The following ADAMTS2 variants were observed in gnomAD, a reference collection of about 807,000 sequenced individuals.
ADAMTS2 encodes the protein A disintegrin and metalloproteinase with thrombospondin motifs 2.
Under a neutral mutation model 123.0 loss-of-function variants are expected in ADAMTS2, and 50 were observed. The observed-to-expected ratio is 0.41, with a 90% CI of 0.32 to 0.51. The LOEUF is 0.51. ADAMTS2 is among the 20% of genes least tolerant of loss of function. ADAMTS2 has a pLI of 0.35. For synonymous variants in ADAMTS2, 678 were observed against 695.4 expected (o/e 0.98, Z 0.39); for missense variants, 1,494 against 1,705.2 (o/e 0.88, Z 2.18).
intron 2 of ADAMTS2, among the ~76,000 whole-genome samples, chr5:179,325,261 G>A (rs116266446): frequency 0.011 from 1,605 of 152,304 alleles, 27 homozygotes; most frequent in Middle Eastern, 0.027. Context: ...TGCTGGTTCT[G>A]GGGGCCTGTG....
At chr5:179,194,385 G>A (rs887750792) in intron 4 of ADAMTS2, among the ~76,000 whole-genome samples, 18 of 152,210 alleles carry the variant, frequency 1.2e-4, no homozygotes, top group Non-Finnish European at 2.6e-4. Flanking sequence ...AGCACCTAGG[G>A]CTGCTCTATC....
chr5:179,223,955 GAATA>G (rs1486602923), intron 3 of ADAMTS2, among the ~76,000 whole-genome samples: 2 of 152,204 alleles, frequency 1.3e-5, no homozygotes, highest in African/African-American at 4.8e-5. Context: ...TTGGCAAAAT[GAATA>G]AATAAACGGG....
intron 3 of ADAMTS2, among the ~76,000 whole-genome samples, chr5:179,235,257 ATCTCTGGG>A (rs1228560035): frequency 6.6e-6 from 1 of 152,192 alleles, no homozygotes; most frequent in African/African-American, 2.4e-5. Flanking sequence ...CATCAGATTC[ATCTCTGGG>A]TCACCTGCCT....
rs142721501 is a variant in ADAMTS2, at chr5:179,273,011, C to T, written c.588G>A (p.Lys196=). The T allele has an allele frequency of 4.6e-5, 74 of 1,613,540 alleles. No homozygotes were observed. In the African/African-American group the frequency reaches 7.7e-4, roughly 17 times the overall value. The change falls in exon 3 of 22, where the codon AAG becomes AAA. Residue 196 remains lysine, a synonymous_variant. Coordinates refer to ENST00000251582, the MANE Select transcript of ADAMTS2 (RefSeq NM_014244.5). ...EEEFFIEPLE[K]GLAAQEAEQG... is the part of the protein sequence containing the mutation. ...GCTCAGCCTCCTGCGCCGCCAGCCC[C>T]TTCTCCAAGGGTTCGATGAAGAACT...
At chr5:179,156,401 C>T (rs1049387890) in intron 6 of ADAMTS2, among the ~76,000 whole-genome samples, 5 of 146,324 alleles carry the variant, frequency 3.4e-5, no homozygotes, top group Non-Finnish European at 7.4e-5. Flanking sequence ...ACTCTGCCGT[C>T]CAGGCTGGAG....
rs1426801225 is a variant in ADAMTS2, at chr5:179,117,660, C to T, written c.3179-3336G>A. Among the ~76,000 whole-genome samples the T allele has an allele frequency of 6.6e-6, 1 of 151,900 alleles. No homozygotes were observed. Reference sequence around the variant, plus strand: ...CTCCGCCTCCTGGGTTCAAGAGCCTCCCGAGTAGCTGGGACTACAGGTGCG... The same window carrying T: ...CTCCGCCTCCTGGGTTCAAGAGCCTTCCGAGTAGCTGGGACTACAGGTGCG... On this transcript the variant is annotated intron_variant, in intron 21 of 21. Transcript: ENST00000251582. This position sits in a 1 kb window ranked among gnomAD's most constrained non-coding sequence, Gnocchi z 4.2.
chr5:179,315,925 G>A (rs1305274171), intron 2 of ADAMTS2, among the ~76,000 whole-genome samples: 2 of 152,186 alleles, frequency 1.3e-5, no homozygotes, highest in East Asian at 3.8e-4. Context: ...GAAGAGAGTC[G>A]GGGAGGTGAG....
chr5:179,176,650 T>A (rs1184660901), intron 5 of ADAMTS2, among the ~76,000 whole-genome samples: 1 of 152,184 alleles, frequency 6.6e-6, no homozygotes, highest in African/African-American at 2.4e-5. Context: ...TTGATGGCAG[T>A]GACTGTCTCC....
Position 179,119,476 on chromosome 5 carries a change from G to T in ADAMTS2, c.3178+2185C>A, listed in dbSNP as rs535937475. On this transcript the variant is annotated intron_variant, in intron 21 of 21. Coordinates refer to ENST00000251582, the MANE Select transcript of ADAMTS2 (RefSeq NM_014244.5). Reference sequence around the variant, plus strand: ...CTTCCATGGGCAGGACACAGCCCAGGCCCCAGGTCAGGAGGTCCCTCTTGA... The same window carrying T: ...CTTCCATGGGCAGGACACAGCCCAGTCCCCAGGTCAGGAGGTCCCTCTTGA... Among the ~76,000 whole-genome samples the T allele has an allele frequency of 9.0e-4, 137 of 152,330 alleles. 1 individual carries two copies. The highest frequency in any genetic ancestry group is 1.6e-3 in the Non-Finnish European group (111 of 68,026).
At chr5:179,124,481 A>G (rs1430764170) in intron 19 of ADAMTS2, among the ~76,000 whole-genome samples, 1 of 152,062 alleles carries the variant, frequency 6.6e-6, no homozygotes, top group Non-Finnish European at 1.5e-5. Flanking sequence ...AGCCCCGAAC[A>G]TCCTACTGGG....
rs191363750 is a variant in ADAMTS2 at position 179,216,577 on chromosome 5, T to C, written c.689-8862A>G. On this transcript the variant is annotated intron_variant, in intron 3 of 21. Coordinates refer to ENST00000251582, the MANE Select transcript of ADAMTS2 (RefSeq NM_014244.5). The stretch of plus-strand genomic sequence containing the variant: ...TGACTGTGCTGAGCCCAAGACTTCC[T>C]CGAGACCTTGCTCACGACTTCCCCA... 3.8e-3 allele frequency among the ~76,000 whole-genome samples: 582 copies of C among 152,290 alleles called. 2 individuals carry two copies. The highest frequency in any genetic ancestry group is 0.017 in the Middle Eastern group (5 of 294).
At chr5:179,330,882 G>T (rs1299920838) in intron 2 of ADAMTS2, among the ~76,000 whole-genome samples, 1 of 152,194 alleles carries the variant, frequency 6.6e-6, no homozygotes, top group African/African-American at 2.4e-5. Context: ...GCTAGAAAAT[G>T]CACCAAGAAC....
At chr5:179,245,786 A>ACAAAAC (rs1561628527) in intron 3 of ADAMTS2, among the ~76,000 whole-genome samples, 1 of 135,742 alleles carries the variant, frequency 7.4e-6, no homozygotes, top group African/African-American at 2.8e-5. Context: ...AAAAAAAAAA[A>ACAAAAC]AAAAAAAAAC....
intron 5 of ADAMTS2, among the ~76,000 whole-genome samples, chr5:179,178,839 A>G (rs762315950): frequency 2.0e-5 from 3 of 152,230 alleles, no homozygotes; most frequent in Non-Finnish European, 4.4e-5. Context: ...CACCCAAGGA[A>G]GAAGCTTTTG....
chr5:179,333,619 T>TC (rs1443376297), intron 2 of ADAMTS2, among the ~76,000 whole-genome samples: 10 of 143,012 alleles, frequency 7.0e-5, no homozygotes, highest in Non-Finnish European at 1.5e-4. Context: ...TTTTTTTTTT[T>TC]AGACAGAGTC....
chr5:179,188,796 G>A lies in ADAMTS2; in HGVS notation c.892-7641C>T, dbSNP rs975577934. ...TCTGCAGATGCCTCAGGGTGGGGAC[G>A]GGGCTCCTCCACTTCCAGGCCAGCT... On this transcript the variant is annotated intron_variant, in intron 4 of 21. Transcript: ENST00000251582. The surrounding 1 kb of genome is among the most constrained non-coding windows in gnomAD (Gnocchi z 5.1). 3.3e-5 allele frequency among the ~76,000 whole-genome samples: 5 copies of A among 152,236 alleles called. No individual in the cohort carries two copies. The highest frequency in any genetic ancestry group is 3.9e-4 in the East Asian group (2 of 5,174).
intron 2 of ADAMTS2, among the ~76,000 whole-genome samples, chr5:179,275,135 G>C (rs529644196): frequency 1.3e-5 from 2 of 152,236 alleles, no homozygotes; most frequent in South Asian, 2.1e-4. Context: ...AGGGCTTCTG[G>C]GGGGAGCCTT....
intron 2 of ADAMTS2, among the ~76,000 whole-genome samples, chr5:179,298,217 A>C: frequency 6.9e-6 from 1 of 144,818 alleles, no homozygotes; most frequent in Non-Finnish European, 1.6e-5. Flanking sequence ...GGCTCGGGGA[A>C]CCCAGGCTGT....
chr5:179,280,800 C>T (rs1435520867), intron 2 of ADAMTS2, among the ~76,000 whole-genome samples: 1 of 152,196 alleles, frequency 6.6e-6, no homozygotes, highest in Non-Finnish European at 1.5e-5. Context: ...CTCGACTCAA[C>T]CAGAGAGTTT....
Sources: gnomAD v4.1 joint callset for allele counts (sites outside exome capture counted in the v4.1 genomes callset) on GRCh38, gnomAD v4.1.1 for gene constraint, Gnocchi (gnomAD v3.1) non-coding constraint, MANE v1.5 for transcripts, NCBI Gene and HGNC (gene_info 2026-07-23, HGNC 2026-07-21) for gene names.